Variants in CD81 observed in about 807,000 individuals in gnomAD.
CD81 encodes CD81 molecule.
CD81 carries 10 observed loss-of-function variants against 30.1 expected under a neutral mutation model. The observed-to-expected ratio is 0.33, with a 90% confidence interval of 0.21 to 0.56. The LOEUF is 0.56. Among genes scored for constraint, CD81 ranks in the 20% least tolerant of loss-of-function variants. The probability of loss-of-function intolerance (pLI) is 0.89; values close to 1 mark genes in which losing one functional copy is unlikely to be tolerated. For missense variants in CD81, 263 were observed against 308.7 expected (o/e 0.85, Z 1.11); for synonymous variants, 147 against 126.4 (o/e 1.16, Z -1.10).
At position 2,395,850 on chromosome 11, in the gene CD81, G is replaced by A. The variant is rs767907154; in HGVS notation, c.460-19G>A. On this transcript the variant is annotated intron_variant, in intron 5 of 7. Transcript: ENST00000263645. ...CCTGGGCACATCCAGGGCTGACCTT[G>A]CACCCCTGCTCTCTGCAGCTTGACT... 12 of 1,564,820 alleles carry A rather than the reference G, an allele frequency of 7.7e-6. No individual in the cohort carries two copies. Among genetic ancestry groups the A allele is most frequent in the South Asian group, 4.4e-5 (4 of 90,144 alleles).
chr11:2,395,626 GT>G, intron 5 of CD81, 106 bp downstream of exon 5: 1 of 921,904 alleles, frequency 1.1e-6, no homozygotes, highest in Non-Finnish European at 1.7e-6. Flanking sequence ...GGAGCAGGAG[GT>G]GCCCTTGGGA....
chr11:2,395,407 CT>C lies in CD81; in HGVS notation c.355-8del. The C allele has an allele frequency of 6.2e-7, 1 of 1,608,164 alleles. No homozygotes were observed. Among genetic ancestry groups the C allele is most frequent in the Non-Finnish European group, 8.5e-7 (1 of 1,175,798 alleles). On this transcript the variant is annotated splice_region_variant and splice_polypyrimidine_tract_variant and intron_variant, in intron 4 of 7. Transcript: ENST00000263645. ...TCCCCCTGTGCATGTGACCGCACCC[CT>C]CCCCCAGATCGCCAAGGATGTGAAG...
Position 2,395,937 on chromosome 11 carries a change from C to G in CD81, c.528C>G (p.Pro176=). ...TTSVLKNNLC[P]SGSNIISNLF... is the part of the protein sequence containing the mutation. ...CAGTGCTCAAGAACAATTTGTGTCC[C>G]TCGGGCAGCAACATCATCAGCAACC... The change falls in exon 6 of 8, where the codon CCC becomes CCG. Residue 176 remains proline (P), a synonymous_variant. Transcript: ENST00000263645. 6.2e-7 allele frequency: 1 copy of G among 1,612,300 alleles called. No homozygotes were observed. Among genetic ancestry groups the G allele is most frequent in the Non-Finnish European group, 8.5e-7 (1 of 1,179,586 alleles).
At chr11:2,396,255 C>T (rs1850000627) in intron 6 of CD81, 2 of 567,074 alleles carry the variant, frequency 3.5e-6, no homozygotes, top group Middle Eastern at 4.8e-4. Context: ...TGGGTGTGGA[C>T]GCCCCTGACA....
At position 2,395,520 on chromosome 11, in the gene CD81, G is replaced by T. The variant is rs765806007; in HGVS notation, c.459G>T (p.Thr153=). 2 of 1,611,606 alleles carry T rather than the reference G, an allele frequency of 1.2e-6. No homozygotes were observed. The highest frequency in any genetic ancestry group is 1.3e-5 in the African/African-American group (1 of 74,866). ...CTGTGGTGAAGACCTTCCACGAGAC[G>T]GTGCGGCCCCGGGGGGCGAGGGCGG... The part of the protein sequence containing the change: ...AKAVVKTFHE[T]LDCCGSSTLT... The change falls in exon 5 of 8, where the codon ACG becomes ACT. Residue 153 remains threonine, a splice_region_variant and synonymous_variant. Coordinates refer to ENST00000263645, the MANE Select transcript of CD81 (RefSeq NM_004356.4).
chr11:2,386,729 A>T, intron 1 of CD81: 1 of 687,000 alleles, frequency 1.5e-6, no homozygotes, highest in Non-Finnish European at 2.7e-6. Context: ...CCTCGGGGAC[A>T]GTTGAGGTGG....
intron 1 of CD81, among the ~76,000 whole-genome samples, chr11:2,380,964 C>T (rs1849694602): frequency 6.6e-6 from 1 of 152,224 alleles, no homozygotes; most frequent in African/African-American, 2.4e-5. Flanking sequence ...AAGCCTCGCT[C>T]ACGGGTATTT....
chr11:2,377,637 G>C lies in CD81; in HGVS notation c.66+22G>C. The C allele has an allele frequency of 1.4e-6, 2 of 1,472,188 alleles. No individual in the cohort carries two copies. The highest frequency in any genetic ancestry group is 9.2e-7 in the Non-Finnish European group (1 of 1,082,294). The allele number at this position is 1,472,188 out of a possible 1,614,324, so 91.2% of individuals were successfully genotyped here. ...CTGGGTAAGGGCTGCGCCGGGGGCC[G>C]GGGCGGGAGGGGGCAGGCACACACT... is the stretch of plus-strand genomic sequence containing the variant. On this transcript the variant is annotated intron_variant, in intron 1 of 7. Coordinates refer to ENST00000263645, the MANE Select transcript of CD81 (RefSeq NM_004356.4). This position sits in a 1 kb window ranked among gnomAD's most constrained non-coding sequence, Gnocchi z 7.7.
rs949452500 is a variant in CD81, at chr11:2,388,454, C to T, written c.67-1958C>T. 5.9e-5 allele frequency among the ~76,000 whole-genome samples: 9 copies of T among 152,354 alleles called. No homozygotes were observed. The South Asian group carries it at 1.2e-3, about 21-fold the overall frequency. ...GAGCACAGCCCCCTGCCCAACCCCACCCTGGGGCCCTGCTTCCCTGGCCAG... is the reference window on the plus strand; with the variant it reads ...GAGCACAGCCCCCTGCCCAACCCCATCCTGGGGCCCTGCTTCCCTGGCCAG... On this transcript the variant is annotated intron_variant, in intron 1 of 7. Transcript: ENST00000263645.
intron 1 of CD81, chr11:2,385,749 G>C (rs1022747970): frequency 2.0e-6 from 1 of 507,794 alleles, no homozygotes; most frequent in Non-Finnish European, 3.8e-6. Flanking sequence ...TTATTGCCGG[G>C]CAGGGTTGCA....
At chr11:2,390,941 C>G (rs1333665706) in intron 2 of CD81, 27 of 199,888 alleles carry the variant, frequency 1.4e-4, no homozygotes, top group African/African-American at 5.5e-4. Flanking sequence ...GGAGACGGGG[C>G]AGGGGAGGGG....
At chr11:2,384,056 G>A (rs1212518312) in intron 1 of CD81, among the ~76,000 whole-genome samples, 1 of 152,220 alleles carries the variant, frequency 6.6e-6, no homozygotes, top group Non-Finnish European at 1.5e-5. Context: ...CTTGGAAACA[G>A]CGGACAGGCT....
chr11:2,383,965 C>T (rs1003302094), intron 1 of CD81, among the ~76,000 whole-genome samples: 2 of 152,144 alleles, frequency 1.3e-5, no homozygotes, highest in Non-Finnish European at 2.9e-5. Flanking sequence ...GCGGGGGCAG[C>T]GAGCAGCTGG....
chr11:2,389,255 G>A (rs575816600), intron 1 of CD81, among the ~76,000 whole-genome samples: 1 of 152,324 alleles, frequency 6.6e-6, no homozygotes, highest in African/African-American at 2.4e-5. Flanking sequence ...GTGCTGAAGT[G>A]GAGGAGGATA....
In CD81 at chr11:2,378,068, A is replaced by G. The variant is rs1427569791; in HGVS notation, c.66+453A>G. 1.3e-5 allele frequency: 2 copies of G among 152,042 alleles called. No individual in the cohort carries two copies. Among genetic ancestry groups the G allele is most frequent in the Admixed American group, 6.5e-5 (1 of 15,280 alleles). The allele number at this position is 152,042 out of a possible 1,614,324, so 9.4% of individuals were successfully genotyped here. A position where few individuals can be genotyped will look rare whatever the true frequency, so the allele number is the denominator to read the frequency against. On this transcript the variant is annotated intron_variant, in intron 1 of 7. Coordinates refer to ENST00000263645, the MANE Select transcript of CD81 (RefSeq NM_004356.4). This position sits in a 1 kb window ranked among gnomAD's most constrained non-coding sequence, Gnocchi z 4.9. Reference sequence around the variant, plus strand: ...GCGCCCCGCCCCCATGAGCTCATCAAGAGCCGCCGCCCCTGGATGGTGGGG... The same window carrying G: ...GCGCCCCGCCCCCATGAGCTCATCAGGAGCCGCCGCCCCTGGATGGTGGGG...
intron 1 of CD81, among the ~76,000 whole-genome samples, chr11:2,389,564 G>C (rs550653901): frequency 6.6e-6 from 1 of 152,078 alleles, no homozygotes; most frequent in African/African-American, 2.4e-5. Context: ...CGGATGACCC[G>C]GCGTTGAAGG....
chr11:2,382,602 C>T (rs1849723543), intron 1 of CD81: 1 of 152,272 alleles, frequency 6.6e-6, no homozygotes, highest in Admixed American at 6.5e-5. Context: ...GCAGGGCGCC[C>T]TGTGCTGTTA....
In CD81 at chr11:2,377,523, C is replaced by T. The variant is rs746838922; in HGVS notation, c.-27C>T. 18 of 1,297,246 alleles carry T rather than the reference C, an allele frequency of 1.4e-5. No homozygotes were observed. The African/African-American group carries it at 2.7e-4, about 20-fold the overall frequency. 80.4% of individuals were successfully genotyped at this position (1,297,246 alleles called of 1,614,324 possible). The stretch of plus-strand genomic sequence containing the variant: ...CGCCGCCCAGGACCGGCCCGCGCCC[C>T]GCAGGCCGCCCGCCGCCCGCGCCGC... On this transcript the variant is annotated 5_prime_UTR_variant, in exon 1 of 8. Transcript: ENST00000263645. The surrounding 1 kb of genome is among the most constrained non-coding windows in gnomAD (Gnocchi z 7.7).
intron 1 of CD81, chr11:2,379,300 G>T (rs1225323943): frequency 2.3e-6 from 1 of 437,040 alleles, no homozygotes; most frequent in African/African-American, 2.1e-5. Flanking sequence ...GGGGCCGAGG[G>T]AGGGTGTAGG....
Sources: gnomAD v4.1 joint callset for allele counts (sites outside exome capture counted in the v4.1 genomes callset) on GRCh38, gnomAD v4.1.1 for gene constraint, Gnocchi (gnomAD v3.1) non-coding constraint, MANE v1.5 for transcripts, NCBI Gene and HGNC (gene_info 2026-07-23, HGNC 2026-07-21) for gene names.